DROSHA: variants seen among roughly 807,000 people sequenced by gnomAD.
DROSHA encodes the protein drosha ribonuclease III.
A neutral mutation model predicts 181.9 loss-of-function variants in DROSHA; 56 were observed. The observed-to-expected ratio is 0.31, with a 90% CI of 0.25 to 0.38. The LOEUF (loss-of-function observed/expected upper bound fraction) is 0.38. Among genes scored for constraint, DROSHA ranks in the 10% least tolerant of loss-of-function variants. DROSHA has a pLI of 1.00. For synonymous variants in DROSHA, 524 were observed against 591.2 expected, an observed-to-expected ratio of 0.89 and a Z score of 1.65; for missense variants, 1,218 against 1,743.5, an observed-to-expected ratio of 0.70 and a Z score of 5.37.
In DROSHA at chr5:31,430,361, C is replaced by T. The variant is rs1332732573; in HGVS notation, c.3146-816G>A. On this transcript the variant is annotated intron_variant, in intron 26 of 35. Coordinates refer to ENST00000344624, the MANE Select transcript of DROSHA (RefSeq NM_001382508.1). ...TCTTATCTTCACTTTCATGGGGTAC[C>T]TCAGTAGGAGGATGTTAGAAAAGAC... 2.0e-5 allele frequency among the ~76,000 whole-genome samples: 3 copies of T among 152,078 alleles called. No homozygotes were observed. The South Asian group carries it at 6.2e-4, about 32-fold the overall frequency.
intron 2 of DROSHA, among the ~76,000 whole-genome samples, 174 bp from the exon 3 acceptor site, chr5:31,531,098 A>G (rs147194965): frequency 6.6e-6 from 1 of 152,314 alleles, no homozygotes; most frequent in Non-Finnish European, 1.5e-5. Flanking sequence ...GGCCCTGTAG[A>G]CTCAGAGATA....
intron 28 of DROSHA, 73 bp downstream of exon 28, chr5:31,424,354 A>G: frequency 2.0e-5 from 30 of 1,536,920 alleles, no homozygotes; most frequent in Non-Finnish European, 2.6e-5. Context: ...TGGGGAAGGA[A>G]AAAAAGGCAA....
chr5:31,500,492 G>A (rs74658934), intron 11 of DROSHA, among the ~76,000 whole-genome samples: 21,482 of 152,222 alleles, frequency 0.14, 3,784 homozygotes, highest in African/African-American at 0.41. Flanking sequence ...CTGAAATACC[G>A]GAATTGCCGT....
At position 31,526,636 on chromosome 5, in the gene DROSHA, C is replaced by G; in HGVS notation, c.297G>C (p.Arg99Ser). 4.7e-6 allele frequency: 7 copies of G among 1,498,698 alleles called. No individual in the cohort carries two copies. Among genetic ancestry groups the G allele is most frequent in the Non-Finnish European group, 6.2e-6 (7 of 1,128,456 alleles). The allele number at this position is 1,498,698 out of a possible 1,614,324, so 92.8% of individuals were successfully genotyped here. Residue 99 changes from arginine to serine, a missense_variant, in exon 5 of 36, where the codon AGG becomes AGC. Arg to Ser is a moderately radical substitution (Grantham distance 110). Transcript: ENST00000344624. ...TCATCTGGTGGTTGGGGAAAGGCGG[C>G]CTGATTGGGCAGGGGGGAAGAGGGC... is the stretch of plus-strand genomic sequence containing the variant. ...AQGPLPPCPIRPPFPNHQMRH... is the reference protein window; with the variant it reads ...AQGPLPPCPISPPFPNHQMRH...
chr5:31,501,134 T>C (rs367626220), intron 11 of DROSHA, among the ~76,000 whole-genome samples: 1 of 152,200 alleles, frequency 6.6e-6, no homozygotes, highest in Non-Finnish European at 1.5e-5. Flanking sequence ...CCTGGGGAGC[T>C]GTACACTGGG....
chr5:31,484,113 T>C (rs1305239018), intron 15 of DROSHA, among the ~76,000 whole-genome samples: 1 of 152,138 alleles, frequency 6.6e-6, no homozygotes, highest in Non-Finnish European at 1.5e-5. Flanking sequence ...GGCTCACGCC[T>C]GTAATCCCAG....
chr5:31,451,337 G>A (rs1192067193), intron 21 of DROSHA, among the ~76,000 whole-genome samples, 196 bp downstream of exon 21: 1 of 152,212 alleles, frequency 6.6e-6, no homozygotes, highest in Non-Finnish European at 1.5e-5. Flanking sequence ...AATTTCTTTA[G>A]GGACGGTCTC....
chr5:31,418,836 C>T (rs1360641641), intron 30 of DROSHA, among the ~76,000 whole-genome samples: 1 of 151,976 alleles, frequency 6.6e-6, no homozygotes, highest in African/African-American at 2.4e-5. Context: ...GAATACTGGA[C>T]GAGGACCCAG....
intron 13 of DROSHA, among the ~76,000 whole-genome samples, chr5:31,492,030 G>C (rs1215917752): frequency 1.3e-5 from 2 of 152,190 alleles, no homozygotes; most frequent in East Asian, 3.9e-4. Flanking sequence ...CTGACCTCAA[G>C]TGATCTGCCT....
At chr5:31,439,299 AT>A (rs1745267060) in intron 23 of DROSHA, among the ~76,000 whole-genome samples, 1 of 152,224 alleles carries the variant, frequency 6.6e-6, no homozygotes, top group Non-Finnish European at 1.5e-5. Flanking sequence ...GTCCCACCCT[AT>A]TCCACCTGGG....
chr5:31,498,107 G>C (rs72751602), intron 11 of DROSHA, among the ~76,000 whole-genome samples: 7,913 of 152,274 alleles, frequency 0.052, 280 homozygotes, highest in South Asian at 0.19. Flanking sequence ...TATGAAAGCT[G>C]CATCTGTGCC....
chr5:31,463,957 A>T, intron 20 of DROSHA: 1 of 379,962 alleles, frequency 2.6e-6, no homozygotes, highest in Non-Finnish European at 4.8e-6. Flanking sequence ...ATGAGGACAG[A>T]CTTACCTTTA....
At chr5:31,463,967 A>G in intron 20 of DROSHA, 1 of 399,694 alleles carries the variant, frequency 2.5e-6, no homozygotes, top group South Asian at 3.7e-5. Flanking sequence ...ACTTACCTTT[A>G]TCCAAAGAGA....
intron 10 of DROSHA, 114 bp downstream of exon 10, chr5:31,508,507 C>A (rs760812605): frequency 2.5e-5 from 37 of 1,483,598 alleles, no homozygotes; most frequent in Non-Finnish European, 3.0e-5. Context: ...AAGGACAAAA[C>A]CCTGACAGTA....
chr5:31,425,735 C>T (rs1743383279), intron 27 of DROSHA, among the ~76,000 whole-genome samples: 1 of 152,162 alleles, frequency 6.6e-6, no homozygotes, highest in Admixed American at 6.5e-5. Context: ...AACTTTTCAC[C>T]TTTCTCCTTA....
At chr5:31,416,923 G>C (rs1742015983) in intron 30 of DROSHA, among the ~76,000 whole-genome samples, 1 of 152,182 alleles carries the variant, frequency 6.6e-6, no homozygotes, top group Non-Finnish European at 1.5e-5. Flanking sequence ...GTACTTCCCA[G>C]GGACCAAGGA....
At chr5:31,421,449 TA>T in intron 29 of DROSHA, 72 bp from the exon 30 acceptor site, 1 of 1,236,716 alleles carries the variant, frequency 8.1e-7, no homozygotes, top group Non-Finnish European at 1.2e-6. Context: ...CCCAGAATTT[TA>T]AAAAAGGAAT....
At chr5:31,436,450 T>C (rs1744798688) in intron 24 of DROSHA, among the ~76,000 whole-genome samples, 1 of 151,072 alleles carries the variant, frequency 6.6e-6, no homozygotes, top group African/African-American at 2.4e-5. Flanking sequence ...TAAAGTGTTG[T>C]GGCATAATCT....
At chr5:31,419,987 A>G (rs1225189306) in intron 30 of DROSHA, among the ~76,000 whole-genome samples, 2 of 152,230 alleles carry the variant, frequency 1.3e-5, no homozygotes, top group Non-Finnish European at 2.9e-5. Context: ...AATATAAAAA[A>G]AGAGTACTGC....
Sources: gnomAD v4.1 joint callset for allele counts (sites outside exome capture counted in the v4.1 genomes callset) on GRCh38, gnomAD v4.1.1 for gene constraint, MANE v1.5 for transcripts, NCBI Gene and HGNC (gene_info 2026-07-23, HGNC 2026-07-21) for gene names.